Variants in UBR3 observed in about 807,000 individuals in gnomAD.
UBR3 encodes ubiquitin protein ligase E3 component n-recognin 3, also known as E3 ubiquitin-protein ligase UBR3.
Under a neutral mutation model 243.2 loss-of-function variants are expected in UBR3, and 85 were observed. The observed-to-expected ratio is 0.35, with a 90% CI of 0.29 to 0.42. The LOEUF is 0.42. UBR3 is among the 10% of genes least tolerant of loss of function. The probability of loss-of-function intolerance (pLI) is 1.00; values close to 1 mark genes in which losing one functional copy is unlikely to be tolerated. For synonymous variants in UBR3, 748 were observed against 799.8 expected (o/e 0.94, Z 1.09); for missense variants, 1,686 against 2,300.8 (o/e 0.73, Z 5.47).
intron 2 of UBR3, among the ~76,000 whole-genome samples, chr2:169,872,887 A>G (rs928330987): frequency 3.9e-5 from 6 of 152,112 alleles, no homozygotes; most frequent in Non-Finnish European, 8.8e-5. Context: ...TCATGTTAAT[A>G]TTTAAAAGAG....
chr2:170,040,350 C>T (rs887782941), intron 31 of UBR3, among the ~76,000 whole-genome samples: 3 of 152,032 alleles, frequency 2.0e-5, no homozygotes, highest in African/African-American at 4.8e-5. Context: ...AAGTGATCCG[C>T]CTGCCTCAGC....
chr2:169,865,861 T>G (rs924141205), intron 1 of UBR3, among the ~76,000 whole-genome samples: 2 of 152,124 alleles, frequency 1.3e-5, no homozygotes, highest in Admixed American at 1.3e-4. Context: ...CTTTAAAAGC[T>G]TTTACAGGCT....
chr2:170,078,208 A>G, intron 36 of UBR3: 1 of 508,942 alleles, frequency 2.0e-6, no homozygotes. Flanking sequence ...AAGCCTCTCA[A>G]CTTTCCTTCT....
chr2:169,861,617 A>G (rs1373773677), intron 1 of UBR3, among the ~76,000 whole-genome samples: 2 of 151,358 alleles, frequency 1.3e-5, no homozygotes, highest in Non-Finnish European at 2.9e-5. Flanking sequence ...AAAAAAAAAA[A>G]AAAAGAAAAG....
intron 32 of UBR3, among the ~76,000 whole-genome samples, chr2:170,046,189 T>C (rs1204000081): frequency 6.6e-6 from 1 of 152,088 alleles, no homozygotes; most frequent in Non-Finnish European, 1.5e-5. Flanking sequence ...CTGGTCTGAA[T>C]ATCCTGACCT....
intron 26 of UBR3, among the ~76,000 whole-genome samples, chr2:169,996,052 C>T (rs1441111156): frequency 1.3e-5 from 2 of 151,956 alleles, no homozygotes; most frequent in Non-Finnish European, 2.9e-5. Context: ...TCTTTCTTGC[C>T]CATAAATCCA....
At chr2:170,002,696 T>G (rs769663833) in intron 27 of UBR3, among the ~76,000 whole-genome samples, 2 of 152,186 alleles carry the variant, frequency 1.3e-5, no homozygotes, top group Non-Finnish European at 2.9e-5. Flanking sequence ...CTTCTTTTTC[T>G]TCTGTATTTT....
rs36078695 is a variant in UBR3, at chr2:169,907,036, CTT to C, written c.1779+893_1779+894del. ...AATCTTACTAGGTTCAAATTTCTTT[CTT>C]TTTTTTTTTTTTTTTTTTTTAGAGG... On this transcript the variant is annotated intron_variant, in intron 10 of 38. Transcript: ENST00000272793. Among the ~76,000 whole-genome samples the C allele has an allele frequency of 6.6e-4, 74 of 112,324 alleles. 1 individual carries two copies. The South Asian group carries it at 7.7e-3, about 12-fold the overall frequency. 73.7% of individuals were successfully genotyped at this position (112,324 alleles called of 152,430 possible). A position where few individuals can be genotyped will look rare whatever the true frequency, so the allele number is the denominator to read the frequency against.
chr2:170,057,256 A>G (rs1645305367), intron 33 of UBR3, among the ~76,000 whole-genome samples: 1 of 151,952 alleles, frequency 6.6e-6, no homozygotes, highest in Non-Finnish European at 1.5e-5. Context: ...AGTTGGGGCT[A>G]CAGGCTTGTG....
At chr2:169,866,240 G>C (rs185324921) in intron 1 of UBR3, among the ~76,000 whole-genome samples, 3 of 121,178 alleles carry the variant, frequency 2.5e-5, no homozygotes, top group Non-Finnish European at 4.9e-5. Context: ...CTGGGCAACA[G>C]AGTGAGACTG....
At chr2:169,868,811 G>T (rs1559039474) in intron 1 of UBR3, among the ~76,000 whole-genome samples, 1 of 152,168 alleles carries the variant, frequency 6.6e-6, no homozygotes, top group Non-Finnish European at 1.5e-5. Flanking sequence ...CTTTTTGAAA[G>T]ACTAAAATAT....
At chr2:170,048,301 A>C (rs1384364089) in intron 32 of UBR3, among the ~76,000 whole-genome samples, 1 of 152,144 alleles carries the variant, frequency 6.6e-6, no homozygotes, top group African/African-American at 2.4e-5. Context: ...TGGCCGATTC[A>C]TGGAGGAAGT....
chr2:170,052,799 A>G (rs1387806685), intron 32 of UBR3, among the ~76,000 whole-genome samples: 3 of 152,296 alleles, frequency 2.0e-5, no homozygotes, highest in Non-Finnish European at 4.4e-5. Context: ...ATTCTCTTGT[A>G]TACTTAAAAT....
intron 11 of UBR3, among the ~76,000 whole-genome samples, chr2:169,919,528 C>T (rs1237944887): frequency 5.3e-5 from 8 of 152,122 alleles, no homozygotes; most frequent in East Asian, 1.9e-4. Flanking sequence ...AACAGGCAAC[C>T]TACAGAATGG....
At chr2:169,941,060 C>T (rs1013974001) in intron 19 of UBR3, among the ~76,000 whole-genome samples, 2 of 152,168 alleles carry the variant, frequency 1.3e-5, no homozygotes, top group African/African-American at 4.8e-5. Flanking sequence ...TTCAGGATCA[C>T]CTGAAGCAGA....
intron 25 of UBR3, among the ~76,000 whole-genome samples, chr2:169,991,378 A>G (rs2126352): frequency 1 from 151,966 of 152,298 alleles, 75,821 homozygotes; most frequent in Middle Eastern, 1. Flanking sequence ...ACAGTGGAAT[A>G]TATATTTTTC....
intron 1 of UBR3, among the ~76,000 whole-genome samples, chr2:169,842,871 A>G (rs1459986124): frequency 6.6e-6 from 1 of 152,246 alleles, no homozygotes; most frequent in Admixed American, 6.5e-5. Flanking sequence ...CATGGGTACA[A>G]TTCAGCCAAT....
chr2:170,065,502 G>A lies in UBR3; in HGVS notation c.5019+4059G>A, dbSNP rs145214563. Among the ~76,000 whole-genome samples the A allele has an allele frequency of 7.8e-3, 1,184 of 152,062 alleles. 18 individuals are homozygous for A. The highest frequency in any genetic ancestry group is 0.013 in the Non-Finnish European group (889 of 67,946). ...CAGGATTTCACCATGTTGGTCAGGC[G>A]GGCTGGTCTCGAATTCCTGGCCTCA... is the stretch of plus-strand genomic sequence containing the variant. On this transcript the variant is annotated intron_variant, in intron 35 of 38. Transcript: ENST00000272793.
chr2:170,053,168 G>A (rs982882548), intron 32 of UBR3, among the ~76,000 whole-genome samples: 8 of 152,144 alleles, frequency 5.3e-5, no homozygotes. Context: ...CTGGGAACTT[G>A]GATTTCAGGA....
Sources: allele counts gnomAD v4.1 joint callset (sites outside exome capture counted in the v4.1 genomes callset), GRCh38; gene constraint gnomAD v4.1.1; transcripts MANE v1.5; gene names NCBI Gene and HGNC (gene_info 2026-07-23, HGNC 2026-07-21).